ABL2: variants seen among roughly 807,000 people sequenced by gnomAD.
The protein encoded by ABL2 is ABL proto-oncogene 2, non-receptor tyrosine kinase, also known as tyrosine-protein kinase ABL2.
A neutral mutation model predicts 107.7 loss-of-function variants in ABL2; 49 were observed. The observed-to-expected ratio is 0.45, with a 90% confidence interval of 0.36 to 0.58. ABL2 has a LOEUF of 0.58. Ranked by LOEUF, ABL2 falls within the 20% of genes least tolerant of loss-of-function variation. The pLI, the probability that ABL2 is intolerant of heterozygous loss-of-function variation, is 0.00. For missense variants in ABL2, 1,245 were observed against 1,457.0 expected, an observed-to-expected ratio of 0.85 and a Z score of 2.37; for synonymous variants, 549 against 548.6, an observed-to-expected ratio of 1.00 and a Z score of -0.01.
Position 179,108,073 on chromosome 1 carries a change from G to GT in ABL2, c.3193dup (p.Thr1065AsnfsTer2). On this transcript the variant is annotated frameshift_variant, in exon 12 of 12. Coordinates refer to ENST00000502732, the MANE Select transcript of ABL2 (RefSeq NM_007314.4). LOFTEE classifies it high-confidence loss of function. Reference sequence around the variant, plus strand: ...TTTGGTTTTTCTCAGAGCCACTTTAGTACCTGCTGTGCCATTGGCCATTTT... The same window carrying GT: ...TTTGGTTTTTCTCAGAGCCACTTTAGTTACCTGCTGTGCCATTGGCCATTTT... The GT allele has an allele frequency of 1.2e-6, 2 of 1,614,246 alleles. No individual in the cohort carries two copies. The highest frequency in any genetic ancestry group is 1.7e-6 in the Non-Finnish European group (2 of 1,180,054).
At chr1:179,166,790 A>G (rs937705772) in intron 1 of ABL2, among the ~76,000 whole-genome samples, 4 of 151,744 alleles carry the variant, frequency 2.6e-5, no homozygotes, top group Non-Finnish European at 5.9e-5. Flanking sequence ...AAAAAAAAAA[A>G]AAAAGAAAAA....
At chr1:179,127,917 C>T (rs1189900529) in intron 3 of ABL2, among the ~76,000 whole-genome samples, 1 of 151,968 alleles carries the variant, frequency 6.6e-6, no homozygotes, top group Admixed American at 6.6e-5. Context: ...TGCCTGTAAT[C>T]CCAGCTACTC....
chr1:179,112,176 C>T, intron 10 of ABL2, 133 bp downstream of exon 10: 1 of 671,674 alleles, frequency 1.5e-6, no homozygotes, highest in South Asian at 1.9e-5. Context: ...GATGCAATGT[C>T]CTTGTAGTTA....
At chr1:179,167,136 T>C (rs1338874030) in intron 1 of ABL2, among the ~76,000 whole-genome samples, 1 of 152,178 alleles carries the variant, frequency 6.6e-6, no homozygotes, top group African/African-American at 2.4e-5. Context: ...ATAGGAAAGA[T>C]ATGGAATTAA....
chr1:179,185,874 C>T (rs1660657903), intron 1 of ABL2, among the ~76,000 whole-genome samples: 1 of 152,160 alleles, frequency 6.6e-6, no homozygotes, highest in Admixed American at 6.5e-5. Flanking sequence ...ACTTGAAATA[C>T]TTAATAGCTA....
rs1194586651 is a variant in ABL2, at chr1:179,107,624, GTCTT to G, written c.*90_*93del. ...TTCACATAAACACACTCAAGTATGA[GTCTT>G]TCATTTTCTGAAAACAAGAACACAG... On this transcript the variant is annotated 3_prime_UTR_variant, in exon 12 of 12. Transcript: ENST00000502732. 74 of 1,515,330 alleles carry G rather than the reference GTCTT, an allele frequency of 4.9e-5. No individual in the cohort carries two copies. Among genetic ancestry groups the G allele is most frequent in the Non-Finnish European group, 4.9e-5 (56 of 1,134,808 alleles). The allele number at this position is 1,515,330 out of a possible 1,614,324, so 93.9% of individuals were successfully genotyped here. A position where few individuals can be genotyped will look rare whatever the true frequency, so the allele number is the denominator to read the frequency against.
intron 1 of ABL2, among the ~76,000 whole-genome samples, chr1:179,135,412 G>A (rs1289691857): frequency 6.6e-6 from 1 of 150,850 alleles, no homozygotes; most frequent in East Asian, 2.0e-4. Flanking sequence ...AAGCGTCTCT[G>A]CCCGGCCGCC....
intron 1 of ABL2, among the ~76,000 whole-genome samples, chr1:179,147,229 T>C (rs889909957): frequency 2.5e-5 from 3 of 118,932 alleles, no homozygotes; most frequent in Non-Finnish European, 4.9e-5. Context: ...TTGGCAAGGA[T>C]GCAGAGAAAA....
chr1:179,121,852 C>T lies in ABL2; in HGVS notation c.703G>A (p.Glu235Lys). Residue 235 changes from glutamate to lysine, a missense_variant, in exon 5 of 12, where the codon GAG becomes AAG. Physicochemically the swap from Glu to Lys is moderately conservative, Grantham distance 56. Transcript: ENST00000502732. ...TADGKVYVTAESRFSTLAELV... is the reference protein window; with the variant it reads ...TADGKVYVTAKSRFSTLAELV... The stretch of plus-strand genomic sequence containing the variant: ...TCTGCCAAGGTGCTGAAGCGGCTCT[C>T]AGCAGTCACATACACCTGGTAAGAA... The T allele has an allele frequency of 1.2e-6, 2 of 1,612,584 alleles. No homozygotes were observed. Among genetic ancestry groups the T allele is most frequent in the Non-Finnish European group, 1.7e-6 (2 of 1,179,422 alleles).
chr1:179,179,210 AC>A (rs903250428), intron 1 of ABL2, among the ~76,000 whole-genome samples: 1 of 152,218 alleles, frequency 6.6e-6, no homozygotes, highest in Non-Finnish European at 1.5e-5. Flanking sequence ...TAATTCCTCC[AC>A]ATGAGGATTA....
chr1:179,138,995 C>T (rs1014090699), intron 1 of ABL2, among the ~76,000 whole-genome samples: 3 of 152,334 alleles, frequency 2.0e-5, no homozygotes, highest in African/African-American at 7.2e-5. Context: ...CCTGGGCCAG[C>T]GGCTGTGGAG....
chr1:179,118,893 C>G (rs1228669124), intron 6 of ABL2, 129 bp from the exon 7 acceptor site: 12 of 962,046 alleles, frequency 1.2e-5, no homozygotes, highest in Non-Finnish European at 1.7e-5. Context: ...CTTACCACCA[C>G]GTTCTCTGAA....
chr1:179,137,193 C>T (rs968577265), intron 1 of ABL2, among the ~76,000 whole-genome samples: 4 of 152,064 alleles, frequency 2.6e-5, no homozygotes, highest in Non-Finnish European at 4.4e-5. Context: ...CCAAGATAGC[C>T]AATTTGGGAT....
At chr1:179,191,311 T>C (rs10913703) in intron 1 of ABL2, among the ~76,000 whole-genome samples, 1 of 152,192 alleles carries the variant, frequency 6.6e-6, no homozygotes, top group Non-Finnish European at 1.5e-5. Context: ...TGCACTTAAT[T>C]TTCAAAATCA....
At position 179,109,218 on chromosome 1, in the gene ABL2, G is replaced by A. The variant is rs146997813; in HGVS notation, c.2049C>T (p.Tyr683=). 2.4e-4 allele frequency: 384 copies of A among 1,613,988 alleles called. No individual in the cohort carries two copies. The highest frequency in any genetic ancestry group is 1.9e-4 in the Non-Finnish European group (220 of 1,180,038). ...CAGATGAGAAGTTACCCGTGAGTTCGTATTTCTTATGGGGCTGATTCTCCA... is the reference window on the plus strand; with the variant it reads ...CAGATGAGAAGTTACCCGTGAGTTCATATTTCTTATGGGGCTGATTCTCCA... ...REMENQPHKK[Y]ELTGNFSSVA... The change falls in exon 12 of 12, where the codon TAC becomes TAT. Residue 683 remains tyrosine (Y), a synonymous_variant. Coordinates refer to ENST00000502732, the MANE Select transcript of ABL2 (RefSeq NM_007314.4).
chr1:179,124,115 C>G (rs1202666706), intron 4 of ABL2, among the ~76,000 whole-genome samples: 1 of 151,860 alleles, frequency 6.6e-6, no homozygotes, highest in Non-Finnish European at 1.5e-5. Context: ...GTGGTGGGCG[C>G]CTGTAGTCCC....
intron 1 of ABL2, among the ~76,000 whole-genome samples, chr1:179,134,258 T>C (rs920051981): frequency 3.3e-5 from 5 of 152,200 alleles, no homozygotes; most frequent in African/African-American, 9.6e-5. Flanking sequence ...ATTTAAAAAT[T>C]GGCTTCAGCC....
chr1:179,170,846 C>A (rs1659678447), intron 1 of ABL2, among the ~76,000 whole-genome samples: 1 of 151,732 alleles, frequency 6.6e-6, no homozygotes. Flanking sequence ...CTGCCCGCCT[C>A]GGCCTCCCAA....
intron 1 of ABL2, among the ~76,000 whole-genome samples, chr1:179,200,308 A>C (rs1189514558): frequency 6.6e-6 from 1 of 152,100 alleles, no homozygotes; most frequent in Non-Finnish European, 1.5e-5. Flanking sequence ...CAGCCTCCCA[A>C]AGTGCTAGGA....
Sources: allele counts gnomAD v4.1 joint callset (sites outside exome capture counted in the v4.1 genomes callset), GRCh38; gene constraint gnomAD v4.1.1; transcripts MANE v1.5; gene names NCBI Gene and HGNC (gene_info 2026-07-23, HGNC 2026-07-21).